The following NAALADL2 variants were observed in gnomAD, a reference collection of about 807,000 sequenced individuals.
The protein encoded by NAALADL2 is N-acetylated alpha-linked acidic dipeptidase like 2, also known as inactive N-acetylated-alpha-linked acidic dipeptidase-like protein 2.
NAALADL2 carries 76 observed loss-of-function variants against 87.2 expected under a neutral mutation model. The ratio of observed to expected loss-of-function variants is 0.87; its 90% CI spans 0.72 to 1.05. The LOEUF is 1.05. Among genes scored for constraint, NAALADL2 ranks in the 50% least tolerant of loss-of-function variants. The pLI, the probability that NAALADL2 is intolerant of heterozygous loss-of-function variation, is 0.00. For synonymous variants in NAALADL2, 354 were observed against 331.0 expected (o/e 1.07, Z -0.75); for missense variants, 1,089 against 945.8 (o/e 1.15, Z -1.99).
chr3:175,440,619 C>A (rs1205598357), intron 5 of NAALADL2, among the ~76,000 whole-genome samples: 1 of 152,008 alleles, frequency 6.6e-6, no homozygotes, highest in African/African-American at 2.4e-5. Flanking sequence ...TAAGTATATT[C>A]CTAAGTATTT....
chr3:174,505,773 A>G (rs1578044283), intron 1 of NAALADL2, among the ~76,000 whole-genome samples: 1 of 152,324 alleles, frequency 6.6e-6, no homozygotes, highest in Admixed American at 6.5e-5. Context: ...GCTACAGCTC[A>G]TTTTTTAATT....
At chr3:174,671,638 A>G (rs1450712875) in intron 2 of NAALADL2, among the ~76,000 whole-genome samples, 4 of 152,112 alleles carry the variant, frequency 2.6e-5, no homozygotes, top group Non-Finnish European at 4.4e-5. Flanking sequence ...GGAAAAATCC[A>G]TTGAATATGA....
rs868068641 is a variant in NAALADL2 at position 175,787,667 on chromosome 3, G to C, written c.2190-15338G>C. Among the ~76,000 whole-genome samples the C allele has an allele frequency of 5.3e-5, 8 of 152,206 alleles. No individual in the cohort carries two copies. The East Asian group carries it at 1.6e-3, about 30-fold the overall frequency. On this transcript the variant is annotated intron_variant, in intron 13 of 13. Transcript: ENST00000454872. Reference sequence around the variant, plus strand: ...TCAGATGGAAATGCAGAAATCACCCGTCTTCTGCGTCGCTCACGCTGGGAG... The same window carrying C: ...TCAGATGGAAATGCAGAAATCACCCCTCTTCTGCGTCGCTCACGCTGGGAG...
intron 2 of NAALADL2, among the ~76,000 whole-genome samples, chr3:175,138,839 G>A (rs575988458): frequency 7.2e-6 from 1 of 138,938 alleles, no homozygotes; most frequent in African/African-American, 2.7e-5. Flanking sequence ...TGGTACATGG[G>A]CAGATGAATT....
chr3:174,571,767 A>G, intron 2 of NAALADL2, among the ~76,000 whole-genome samples: 1 of 152,178 alleles, frequency 6.6e-6, no homozygotes, highest in East Asian at 1.9e-4. Context: ...GCACAAATAA[A>G]ACACTTTATA....
At chr3:174,573,682 A>G (rs1715185507) in intron 2 of NAALADL2, among the ~76,000 whole-genome samples, 1 of 152,078 alleles carries the variant, frequency 6.6e-6, no homozygotes. Flanking sequence ...AGCAGGGGGC[A>G]AGGTGAGGGG....
chr3:174,639,772 AAT>A (rs1722993629), intron 2 of NAALADL2, among the ~76,000 whole-genome samples: 1 of 152,160 alleles, frequency 6.6e-6, no homozygotes, highest in African/African-American at 2.4e-5. Flanking sequence ...ACTTTTTATT[AAT>A]GTTTTATTGT....
At chr3:175,310,812 G>T (rs1470790388) in intron 4 of NAALADL2, among the ~76,000 whole-genome samples, 3 of 151,894 alleles carry the variant, frequency 2.0e-5, no homozygotes, top group African/African-American at 7.3e-5. Flanking sequence ...TAAATAGTAA[G>T]TTGGTAAATC....
intron 12 of NAALADL2, 28 bp from the exon 13 acceptor site, chr3:175,755,192 C>T: frequency 6.3e-7 from 1 of 1,588,796 alleles, no homozygotes. Context: ...AATGTCTCTT[C>T]TGAGATGGGC....
At chr3:175,351,811 A>T (rs1763808266) in intron 5 of NAALADL2, among the ~76,000 whole-genome samples, 1 of 151,710 alleles carries the variant, frequency 6.6e-6, no homozygotes, top group African/African-American at 2.4e-5. Flanking sequence ...GGAAATAACA[A>T]TGGGGGTTTT....
At chr3:174,818,340 T>C (rs1035508580) in intron 3 of NAALADL2, among the ~76,000 whole-genome samples, 1 of 151,660 alleles carries the variant, frequency 6.6e-6, no homozygotes, top group Admixed American at 6.6e-5. Context: ...ATGCAGAGCT[T>C]CTTCTTGAAA....
At chr3:174,684,353 C>T (rs930217201) in intron 2 of NAALADL2, among the ~76,000 whole-genome samples, 7 of 151,958 alleles carry the variant, frequency 4.6e-5, no homozygotes, top group African/African-American at 1.4e-4. Context: ...TAAACCCTTG[C>T]AAAATATGAG....
chr3:174,938,506 G>T (rs1374156295), intron 1 of NAALADL2, among the ~76,000 whole-genome samples: 1 of 152,038 alleles, frequency 6.6e-6, no homozygotes, highest in Non-Finnish European at 1.5e-5. Flanking sequence ...GTGTCTGTAT[G>T]ATAGAATGAT....
intron 2 of NAALADL2, among the ~76,000 whole-genome samples, chr3:174,683,969 ATTTAACT>A (rs1431587056): frequency 6.6e-6 from 1 of 151,926 alleles, no homozygotes; most frequent in Non-Finnish European, 1.5e-5. Context: ...TTAATTTTTA[ATTTAACT>A]TTTATTAGTT....
upstream of NAALADL2, among the ~76,000 whole-genome samples, chr3:174,858,031 TAAAG>T (rs796642309): frequency 7.5e-4 from 114 of 151,124 alleles, no homozygotes; most frequent in East Asian, 0.01. Flanking sequence ...CAATGGATTA[TAAAG>T]AAAGGAGCTT....
chr3:174,635,802 C>A (rs938632425), intron 2 of NAALADL2, among the ~76,000 whole-genome samples: 1 of 151,942 alleles, frequency 6.6e-6, no homozygotes, highest in Non-Finnish European at 1.5e-5. Flanking sequence ...CACGTCTGGA[C>A]GATATTCACA....
intron 4 of NAALADL2, among the ~76,000 whole-genome samples, chr3:175,302,760 C>A (rs1432934970): frequency 5.3e-5 from 8 of 151,958 alleles, no homozygotes; most frequent in African/African-American, 1.4e-4. Flanking sequence ...GTGGTACTTA[C>A]TCAATTTAAA....
chr3:175,519,898 T>C (rs1426704740), intron 9 of NAALADL2, among the ~76,000 whole-genome samples: 2 of 152,248 alleles, frequency 1.3e-5, no homozygotes, highest in African/African-American at 4.8e-5. Context: ...GGATACGCAA[T>C]TAATGACGTC....
chr3:175,736,455 A>G (rs146649030), intron 11 of NAALADL2, among the ~76,000 whole-genome samples: 1 of 152,360 alleles, frequency 6.6e-6, no homozygotes, highest in East Asian at 1.9e-4. Flanking sequence ...AAATGTGAAG[A>G]TCTACCCGTG....
Sources: allele counts gnomAD v4.1 joint callset (sites outside exome capture counted in the v4.1 genomes callset), GRCh38; gene constraint gnomAD v4.1.1; transcripts MANE v1.5; gene names NCBI Gene and HGNC (gene_info 2026-07-23, HGNC 2026-07-21).